Variants in GOLGA3 observed in about 807,000 individuals in gnomAD.
The protein encoded by GOLGA3 is golgin subfamily A member 3.
In GOLGA3, 75 loss-of-function variants were observed where a neutral mutation model predicts 169.4. That is an observed-to-expected ratio of 0.44 (90% CI 0.37 to 0.54). The LOEUF (loss-of-function observed/expected upper bound fraction) is 0.54. Ranked by LOEUF, GOLGA3 falls within the 20% of genes least tolerant of loss-of-function variation. GOLGA3 has a pLI of 0.00. For missense variants in GOLGA3, 1,899 were observed against 1,930.0 expected, an observed-to-expected ratio of 0.98 and a Z score of 0.30; for synonymous variants, 824 against 822.4, an observed-to-expected ratio of 1.00 and a Z score of -0.03.
At chr12:132,782,828 A>ATT (rs1478355467) in intron 16 of GOLGA3, among the ~76,000 whole-genome samples, 1 of 149,898 alleles carries the variant, frequency 6.7e-6, no homozygotes, top group Non-Finnish European at 1.5e-5. Context: ...GTGAGCTGAG[A>ATT]TTGTGCCCCT....
At position 132,801,972 on chromosome 12, in the gene GOLGA3, G is replaced by A; in HGVS notation, c.1598-3C>T. ...CATCTGCTGTCGCAGGTCGTGCACT[G>A]AAATGGGGCAAGCACAGCGGCTCAG... On this transcript the variant is annotated splice_polypyrimidine_tract_variant and splice_region_variant and intron_variant, in intron 7 of 23. Transcript: ENST00000450791. 2 of 1,594,710 alleles carry A rather than the reference G, an allele frequency of 1.3e-6. No individual in the cohort carries two copies. Among genetic ancestry groups the A allele is most frequent in the Non-Finnish European group, 8.5e-7 (1 of 1,175,932 alleles).
rs528283710 is a variant in GOLGA3, at chr12:132,777,502, G to A, written c.3722+164C>T. ...GACACGGGGCAGTGAGTGAGGCTCA[G>A]GATTCTGGAGACGGAGGCTGGGTGC... is the stretch of plus-strand genomic sequence containing the variant. On this transcript the variant is annotated intron_variant, in intron 19 of 23. Transcript: ENST00000450791. This position sits in a 1 kb window ranked among gnomAD's most constrained non-coding sequence, Gnocchi z 4.7. 5.0e-3 allele frequency among the ~76,000 whole-genome samples: 768 copies of A among 152,354 alleles called. 4 individuals are homozygous for A. Among genetic ancestry groups the A allele is most frequent in the Non-Finnish European group, 7.4e-3 (503 of 68,036 alleles).
intron 2 of GOLGA3, among the ~76,000 whole-genome samples, chr12:132,819,072 A>G (rs1338116758): frequency 6.9e-6 from 1 of 144,442 alleles, no homozygotes; most frequent in Non-Finnish European, 1.5e-5. Context: ...CAGTCAAAGA[A>G]CCAAGACATG....
intron 15 of GOLGA3, among the ~76,000 whole-genome samples, chr12:132,784,895 C>T (rs1259703948): frequency 6.6e-6 from 1 of 152,200 alleles, no homozygotes; most frequent in Non-Finnish European, 1.5e-5. Flanking sequence ...GCTGCACACA[C>T]ACATGCTCAC....
intron 2 of GOLGA3, among the ~76,000 whole-genome samples, chr12:132,821,493 C>T (rs981651514): frequency 1.3e-5 from 2 of 152,036 alleles, no homozygotes; most frequent in Admixed American, 6.6e-5. Context: ...CTGCCCCACA[C>T]GTTTAATGGA....
At chr12:132,818,379 C>T (rs1433124384) in intron 2 of GOLGA3, among the ~76,000 whole-genome samples, 1 of 152,236 alleles carries the variant, frequency 6.6e-6, no homozygotes, top group Non-Finnish European at 1.5e-5. Context: ...CCTGCTTCAG[C>T]CTCCCCAGTA....
At position 132,804,620 on chromosome 12, in the gene GOLGA3, G is replaced by A. The variant is rs117403935; in HGVS notation, c.1597+96C>T. On this transcript the variant is annotated intron_variant, in intron 7 of 23. Coordinates refer to ENST00000450791, the MANE Select transcript of GOLGA3 (RefSeq NM_001389683.1). The surrounding 1 kb of genome is among the most constrained non-coding windows in gnomAD (Gnocchi z 4.1). ...GGAGGGAGCAGCAAGGACCAGTCAG[G>A]GAAGGAGGAGGGCGTGGCGGGGGCC... The A allele has an allele frequency of 0.029, 29,018 of 1,010,854 alleles. 929 individuals carry two copies. Among genetic ancestry groups the A allele is most frequent in the Admixed American group, 0.14 (7,536 of 53,412 alleles). The allele number at this position is 1,010,854 out of a possible 1,614,324, so 62.6% of individuals were successfully genotyped here. A position where few individuals can be genotyped will look rare whatever the true frequency, so the allele number is the denominator to read the frequency against.
chr12:132,811,262 G>A (rs780772196), intron 4 of GOLGA3, among the ~76,000 whole-genome samples: 12 of 152,052 alleles, frequency 7.9e-5, no homozygotes, highest in Admixed American at 4.6e-4. Context: ...ACACTCTCTC[G>A]TCTCCGCACA....
intron 18 of GOLGA3, among the ~76,000 whole-genome samples, chr12:132,779,143 T>C (rs2045409055): frequency 2.0e-5 from 3 of 152,078 alleles, no homozygotes; most frequent in Admixed American, 2.0e-4. Context: ...TGCAATGGTG[T>C]GATCTTGGCT....
chr12:132,786,602 T>C (rs1040791394), intron 14 of GOLGA3, 47 bp from the exon 15 acceptor site: 13 of 1,598,992 alleles, frequency 8.1e-6, no homozygotes, highest in African/African-American at 4.0e-5. Flanking sequence ...ATTATCCCGA[T>C]GTGACCGTCT....
chr12:132,780,084 G>A (rs1191725336), intron 18 of GOLGA3, among the ~76,000 whole-genome samples: 1 of 118,254 alleles, frequency 8.5e-6, no homozygotes, highest in African/African-American at 3.3e-5. Context: ...GCACACGTGT[G>A]TGCAGACATC....
rs1271046943 is a variant in GOLGA3 at position 132,775,130 on chromosome 12, G to A, written c.4143+11C>T. The A allele has an allele frequency of 1.9e-6, 3 of 1,610,744 alleles. No homozygotes were observed. The highest frequency in any genetic ancestry group is 2.7e-5 in the African/African-American group (2 of 74,866). On this transcript the variant is annotated intron_variant, in intron 22 of 23. Transcript: ENST00000450791. ...CGTCGGCTACCCCGGGAGGGACGCGGGCCTGAGTACCGTCTTGGCCGCGCC... is the reference window on the plus strand; with the variant it reads ...CGTCGGCTACCCCGGGAGGGACGCGAGCCTGAGTACCGTCTTGGCCGCGCC...
rs200481057 is a variant in GOLGA3, at chr12:132,822,037, G to A, written c.92C>T (p.Pro31Leu). 19 of 1,606,232 alleles carry A rather than the reference G, an allele frequency of 1.2e-5. No homozygotes were observed. The highest frequency in any genetic ancestry group is 6.8e-5 in the East Asian group (3 of 44,156). ...SSLPEAPLKP[P>L]GPLVPPDQQD... ...CTGGTCAGGTGGCACCAGTGGGCCC[G>A]GGGGCTTCAGTGGGGCCTCGGGGAG... Residue 31 changes from proline (P) to leucine (L), a missense_variant, in exon 2 of 24, where the codon CCG (proline) becomes CTG (leucine). Coordinates refer to ENST00000450791, the MANE Select transcript of GOLGA3 (RefSeq NM_001389683.1).
rs767436937 is a variant in GOLGA3 at position 132,805,039 on chromosome 12, A to G, written c.1291-17T>C. ...TTTAAGTGCCTGAAAAGATCCCAAC[A>G]ACCACAATGATTTTAAGAAAACGAG... On this transcript the variant is annotated splice_polypyrimidine_tract_variant and intron_variant, in intron 6 of 23. Coordinates refer to ENST00000450791, the MANE Select transcript of GOLGA3 (RefSeq NM_001389683.1). The G allele has an allele frequency of 6.3e-7, 1 of 1,597,806 alleles. No homozygotes were observed. The highest frequency in any genetic ancestry group is 1.7e-5 in the Admixed American group (1 of 59,610).
At chr12:132,816,227 A>C (rs1482825946) in intron 3 of GOLGA3, among the ~76,000 whole-genome samples, 1 of 152,132 alleles carries the variant, frequency 6.6e-6, no homozygotes, top group Non-Finnish European at 1.5e-5. Context: ...AAAAAAACCA[A>C]AACAACAGAC....
At position 132,780,840 on chromosome 12, in the gene GOLGA3, T is replaced by C. The variant is rs1480096130; in HGVS notation, c.3540A>G (p.Ser1180=). The C allele has an allele frequency of 6.2e-7, 1 of 1,612,268 alleles. No homozygotes were observed. ...MKHLVQALQA[S]LEKEKEKVNS... ...TCACCTTCTCCTTCTCCTTCTCTAG[T>C]GAGGCCTGCAGGGCCTGGACAAGAT... Residue 1180 remains serine (S), a synonymous_variant, in exon 18 of 24, where the codon TCA becomes TCG. Coordinates refer to ENST00000450791, the MANE Select transcript of GOLGA3 (RefSeq NM_001389683.1).
intron 15 of GOLGA3, 70 bp from the exon 16 acceptor site, chr12:132,784,377 C>T (rs2045779994): frequency 2.9e-6 from 4 of 1,385,990 alleles, no homozygotes; most frequent in Middle Eastern, 1.9e-4. Flanking sequence ...CCTGTGGTGC[C>T]GGCAGGCATG....
chr12:132,824,738 G>C (rs929417595), intron 1 of GOLGA3, among the ~76,000 whole-genome samples: 1 of 152,128 alleles, frequency 6.6e-6, no homozygotes, highest in Admixed American at 6.5e-5. Flanking sequence ...GGGTGGGTGG[G>C]TGATAAATGG....
intron 10 of GOLGA3, 40 bp downstream of exon 10, chr12:132,796,499 C>G: frequency 6.3e-7 from 1 of 1,583,456 alleles, no homozygotes; most frequent in Non-Finnish European, 8.5e-7. Context: ...TCGGGATCAC[C>G]TGGGGCCTGG....
Sources: gnomAD v4.1 joint callset for allele counts (sites outside exome capture counted in the v4.1 genomes callset) on GRCh38, gnomAD v4.1.1 for gene constraint, Gnocchi (gnomAD v3.1) non-coding constraint, MANE v1.5 for transcripts, NCBI Gene and HGNC (gene_info 2026-07-23, HGNC 2026-07-21) for gene names.